Variants in PPARD observed in about 807,000 individuals in gnomAD.
PPARD encodes peroxisome proliferator activated receptor delta.
Under a neutral mutation model 39.5 loss-of-function variants are expected in PPARD, and 6 were observed. That is an observed-to-expected ratio of 0.15 (90% CI 0.08 to 0.30). The LOEUF is 0.30. PPARD is among the 10% of genes least tolerant of loss of function. The probability of loss-of-function intolerance (pLI) is 1.00; values close to 1 mark genes in which losing one functional copy is unlikely to be tolerated. For missense variants in PPARD, 397 were observed against 596.8 expected (o/e 0.67, Z 3.49); for synonymous variants, 210 against 231.3 (o/e 0.91, Z 0.83).
Position 35,401,511 on chromosome 6 carries a change from ACC to A in PPARD, c.-101-9474_-101-9473del, listed in dbSNP as rs1452826800. 6.6e-6 allele frequency among the ~76,000 whole-genome samples: 1 copy of A among 151,860 alleles called. No individual in the cohort carries two copies. The highest frequency in any genetic ancestry group is 1.5e-5 in the Non-Finnish European group (1 of 67,970). ...GAATAAATACCCACATCCTCAGCTTACCCTTCAAGACGCTGAGTGACCTCTAG... is the reference window on the plus strand; with the variant it reads ...GAATAAATACCCACATCCTCAGCTTACTTCAAGACGCTGAGTGACCTCTAG... On this transcript the variant is annotated intron_variant, in intron 2 of 7. Transcript: ENST00000360694. This position sits in a 1 kb window ranked among gnomAD's most constrained non-coding sequence, Gnocchi z 4.1.
At chr6:35,422,083 C>A in intron 5 of PPARD, 125 bp downstream of exon 5, 1 of 1,206,074 alleles carries the variant, frequency 8.3e-7, no homozygotes, top group Non-Finnish European at 1.1e-6. Context: ...ACAGTAAGCA[C>A]CATGGCTGTT....
At chr6:35,389,788 A>G (rs1404251727) in intron 2 of PPARD, among the ~76,000 whole-genome samples, 1 of 152,242 alleles carries the variant, frequency 6.6e-6, no homozygotes, top group Non-Finnish European at 1.5e-5. Flanking sequence ...ATAGCAAGAA[A>G]GTGTGCAAAG....
chr6:35,361,180 G>GT (rs775725537), intron 2 of PPARD, among the ~76,000 whole-genome samples: 4 of 152,228 alleles, frequency 2.6e-5, no homozygotes, highest in Non-Finnish European at 5.9e-5. Context: ...GCCAGACTCT[G>GT]TGTGGCATGG....
At chr6:35,398,806 C>G (rs780623854) in intron 2 of PPARD, among the ~76,000 whole-genome samples, 21 of 152,060 alleles carry the variant, frequency 1.4e-4, no homozygotes, top group Non-Finnish European at 2.6e-4. Flanking sequence ...TAAGTGTTAC[C>G]GAAAGTTTCA....
chr6:35,359,315 AT>A (rs1435943842), intron 2 of PPARD, among the ~76,000 whole-genome samples: 1 of 152,154 alleles, frequency 6.6e-6, no homozygotes, highest in African/African-American at 2.4e-5. Context: ...TTTTAGGCCC[AT>A]GTTCCTCAGT....
In PPARD at chr6:35,420,646, C is replaced by G. The variant is rs1209211905; in HGVS notation, c.285+365C>G. ...CAAAGCGGGCTCTGAGAAAAAAGGA[C>G]AGACATTTGTTTTTCCAGTGATATT... On this transcript the variant is annotated intron_variant, in intron 4 of 7. Coordinates refer to ENST00000360694, the MANE Select transcript of PPARD (RefSeq NM_006238.5). Among the ~76,000 whole-genome samples the G allele has an allele frequency of 3.9e-5, 6 of 152,276 alleles. No homozygotes were observed. In the East Asian group the frequency reaches 1.2e-3, roughly 29 times the overall value.
At chr6:35,402,562 G>A (rs576221962) in intron 2 of PPARD, among the ~76,000 whole-genome samples, 11 of 152,270 alleles carry the variant, frequency 7.2e-5, no homozygotes, top group East Asian at 3.9e-4. Context: ...GCTGCCTCTT[G>A]GGGCAATGGG....
At position 35,401,429 on chromosome 6, in the gene PPARD, T is replaced by C. The variant is rs73413727; in HGVS notation, c.-101-9558T>C. On this transcript the variant is annotated intron_variant, in intron 2 of 7. Coordinates refer to ENST00000360694, the MANE Select transcript of PPARD (RefSeq NM_006238.5). This position sits in a 1 kb window ranked among gnomAD's most constrained non-coding sequence, Gnocchi z 4.1. ...GCAGCCTGAAAAGTCTTTGTAAAAA[T>C]GCAGCTCTGTTCCTCCCCATCCTCT... Among the ~76,000 whole-genome samples the C allele has an allele frequency of 0.015, 2,342 of 152,268 alleles. 60 individuals are homozygous for C. The highest frequency in any genetic ancestry group is 0.052 in the African/African-American group (2,152 of 41,532).
chr6:35,355,880 G>A (rs1295900663), intron 2 of PPARD, among the ~76,000 whole-genome samples: 2 of 151,648 alleles, frequency 1.3e-5, no homozygotes, highest in East Asian at 1.9e-4. Flanking sequence ...CAAAGTGCTG[G>A]GATTACAGTC....
intron 2 of PPARD, among the ~76,000 whole-genome samples, chr6:35,352,237 G>A (rs1046203600): frequency 2.6e-5 from 4 of 152,070 alleles, no homozygotes; most frequent in Non-Finnish European, 5.9e-5. Flanking sequence ...AGGCTAGAGT[G>A]CAGTGGTGTG....
At chr6:35,410,859 G>C in intron 2 of PPARD, 128 bp from the exon 3 acceptor site, 1 of 1,159,594 alleles carries the variant, frequency 8.6e-7, no homozygotes, top group Non-Finnish European at 1.1e-6. Flanking sequence ...AGCACTGCAG[G>C]AACTAGGGAA....
chr6:35,406,684 A>G (rs2038068), intron 2 of PPARD, among the ~76,000 whole-genome samples: 102,619 of 151,746 alleles, frequency 0.68, 36,557 homozygotes, highest in South Asian at 0.8. Context: ...CTGGTCCCAA[A>G]TTCAGAACTC....
intron 3 of PPARD, among the ~76,000 whole-genome samples, chr6:35,419,406 GC>G (rs1398228416): frequency 2.0e-5 from 3 of 152,162 alleles, no homozygotes; most frequent in Non-Finnish European, 4.4e-5. Context: ...TGAAGTCATA[GC>G]CTTAGCAAAC....
At chr6:35,358,479 A>G (rs1289529816) in intron 2 of PPARD, among the ~76,000 whole-genome samples, 1 of 152,214 alleles carries the variant, frequency 6.6e-6, no homozygotes, top group Non-Finnish European at 1.5e-5. Flanking sequence ...TAGGAAACTA[A>G]TACAGGGCTC....
intron 5 of PPARD, among the ~76,000 whole-genome samples, chr6:35,423,532 C>CA (rs201523237): frequency 2.3e-3 from 253 of 109,862 alleles, no homozygotes; most frequent in Admixed American, 5.6e-3. Context: ...GACTCTGTCT[C>CA]AAAAAAAAAA....
chr6:35,387,993 A>G (rs1763775220), intron 2 of PPARD, among the ~76,000 whole-genome samples: 1 of 148,578 alleles, frequency 6.7e-6, no homozygotes, highest in African/African-American at 2.5e-5. Context: ...AAGTGCTGAG[A>G]TTACAGGTGC....
At chr6:35,404,953 T>TTGTGTGTGTGTGTGTGTGTG (rs59359748) in intron 2 of PPARD, among the ~76,000 whole-genome samples, 8 of 142,132 alleles carry the variant, frequency 5.6e-5, no homozygotes, top group East Asian at 4.2e-4. Flanking sequence ...ACTGCAGGCT[T>TTGTGTGTGTGTGTGTGTGTG]TGTGTGTGTG....
chr6:35,383,457 C>A (rs1041953573), intron 2 of PPARD, among the ~76,000 whole-genome samples: 5 of 152,020 alleles, frequency 3.3e-5, no homozygotes, highest in Non-Finnish European at 7.3e-5. Flanking sequence ...GCCACCCCGT[C>A]TGGGAAGTGA....
chr6:35,343,511 C>T (rs1006418649), intron 1 of PPARD, among the ~76,000 whole-genome samples: 2 of 152,110 alleles, frequency 1.3e-5, no homozygotes, highest in Non-Finnish European at 2.9e-5. Context: ...TTCACTTGAC[C>T]TGCAGTTGAC....
Sources: gnomAD v4.1 joint callset for allele counts (sites outside exome capture counted in the v4.1 genomes callset) on GRCh38, gnomAD v4.1.1 for gene constraint, Gnocchi (gnomAD v3.1) non-coding constraint, MANE v1.5 for transcripts, NCBI Gene and HGNC (gene_info 2026-07-23, HGNC 2026-07-21) for gene names.